PCP4: variants seen among roughly 807,000 people sequenced by gnomAD.
PCP4 encodes the protein Purkinje cell protein 4, also known as calmodulin regulator protein PCP4.
Under a neutral mutation model 10.0 loss-of-function variants are expected in PCP4, and 8 were observed. The observed-to-expected ratio is 0.80, with a 90% CI of 0.47 to 1.45. PCP4 has a LOEUF of 1.45. PCP4 is among the 40% of genes most tolerant of loss of function. The pLI is 0.00. For missense variants in PCP4, 54 were observed against 74.4 expected (o/e 0.73, Z 1.01); for synonymous variants, 21 against 23.0 (o/e 0.91, Z 0.24).
intron 2 of PCP4, among the ~76,000 whole-genome samples, chr21:39,920,701 A>G (rs1288596215): frequency 1.3e-5 from 2 of 152,238 alleles, no homozygotes; most frequent in African/African-American, 4.8e-5. Flanking sequence ...TGCAGGATCC[A>G]TGAATAGCTC....
At chr21:39,885,724 G>T (rs1394537499) in intron 1 of PCP4, among the ~76,000 whole-genome samples, 2 of 152,212 alleles carry the variant, frequency 1.3e-5, no homozygotes, top group East Asian at 1.9e-4. Flanking sequence ...GGGACAGGAC[G>T]CCAGGACAGG....
intron 2 of PCP4, among the ~76,000 whole-genome samples, chr21:39,901,717 T>G (rs8133640): frequency 0.14 from 21,080 of 152,222 alleles, 1,668 homozygotes; most frequent in Middle Eastern, 0.23. Context: ...GGTAGAAAAG[T>G]GAATTTGAGA....
At chr21:39,925,387 C>A (rs2087615655) in intron 2 of PCP4, among the ~76,000 whole-genome samples, 1 of 152,206 alleles carries the variant, frequency 6.6e-6, no homozygotes, top group Admixed American at 6.5e-5. Context: ...AGCTGCCTAG[C>A]ATATTAATTA....
At chr21:39,891,641 G>A (rs1296015638) in intron 1 of PCP4, among the ~76,000 whole-genome samples, 1 of 152,240 alleles carries the variant, frequency 6.6e-6, no homozygotes, top group Non-Finnish European at 1.5e-5. Context: ...GGCCCCGAAC[G>A]GCTGGGCTGG....
chr21:39,925,215 C>G (rs924368757), intron 2 of PCP4, among the ~76,000 whole-genome samples: 1 of 152,200 alleles, frequency 6.6e-6, no homozygotes, highest in African/African-American at 2.4e-5. Context: ...TTTCTCAGGA[C>G]AGCTCCCAGC....
At chr21:39,903,781 T>C (rs1467069938) in intron 2 of PCP4, among the ~76,000 whole-genome samples, 1 of 145,706 alleles carries the variant, frequency 6.9e-6, no homozygotes, top group Non-Finnish European at 1.5e-5. Flanking sequence ...GGCAGGAGAA[T>C]GGCGTGAACC....
intron 1 of PCP4, among the ~76,000 whole-genome samples, chr21:39,876,008 T>G (rs796829265): frequency 1.1e-4 from 17 of 152,072 alleles, no homozygotes; most frequent in African/African-American, 4.1e-4. Flanking sequence ...CTTCTATCGT[T>G]TCCTTGGTGT....
chr21:39,877,942 A>G (rs188811707), intron 1 of PCP4, among the ~76,000 whole-genome samples: 1 of 152,272 alleles, frequency 6.6e-6, no homozygotes, highest in Non-Finnish European at 1.5e-5. Context: ...AAACCATTGC[A>G]TATATAATCA....
At chr21:39,873,090 C>G (rs56339442) in intron 1 of PCP4, among the ~76,000 whole-genome samples, 69,210 of 151,930 alleles carry the variant, frequency 0.46, 17,333 homozygotes, top group African/African-American at 0.67. Flanking sequence ...TCCATTGAGA[C>G]TAGCTCACTT....
chr21:39,890,705 G>A (rs2087426077), intron 1 of PCP4, among the ~76,000 whole-genome samples: 1 of 152,028 alleles, frequency 6.6e-6, no homozygotes, highest in Admixed American at 6.6e-5. Flanking sequence ...ACTTTTTGCA[G>A]TACTTTTTAT....
chr21:39,912,460 G>A (rs1456035707), intron 2 of PCP4, among the ~76,000 whole-genome samples: 1 of 151,910 alleles, frequency 6.6e-6, no homozygotes, highest in Non-Finnish European at 1.5e-5. Flanking sequence ...TTTTTGGATG[G>A]GGATGCTCCG....
At chr21:39,887,479 A>G (rs922318951) in intron 1 of PCP4, among the ~76,000 whole-genome samples, 13 of 152,164 alleles carry the variant, frequency 8.5e-5, no homozygotes, top group Non-Finnish European at 1.9e-4. Flanking sequence ...GATGACAAAA[A>G]TATCACTGGC....
chr21:39,888,611 A>G (rs1444700040), intron 1 of PCP4, among the ~76,000 whole-genome samples: 1 of 152,202 alleles, frequency 6.6e-6, no homozygotes, highest in African/African-American at 2.4e-5. Flanking sequence ...GGTGTGAGTT[A>G]GGGGACTCCC....
chr21:39,914,120 T>G (rs1016790316), intron 2 of PCP4, among the ~76,000 whole-genome samples: 7 of 3,162 alleles, frequency 2.2e-3, no homozygotes, highest in East Asian at 7.7e-3. Flanking sequence ...TGAAAGCAGC[T>G]TTAGTCCCTT....
chr21:39,880,502 C>T (rs867378570), intron 1 of PCP4, among the ~76,000 whole-genome samples: 3 of 151,934 alleles, frequency 2.0e-5, no homozygotes, highest in East Asian at 1.9e-4. Flanking sequence ...TGTGTGTATA[C>T]GTGTATATGT....
At chr21:39,924,016 G>A (rs895134074) in intron 2 of PCP4, among the ~76,000 whole-genome samples, 9 of 152,220 alleles carry the variant, frequency 5.9e-5, no homozygotes, top group African/African-American at 2.2e-4. Flanking sequence ...CTGAGCTGGG[G>A]CCATCTTGCA....
intron 1 of PCP4, among the ~76,000 whole-genome samples, chr21:39,895,166 TCCAC>T (rs1463619602): frequency 2.0e-5 from 3 of 152,010 alleles, no homozygotes; most frequent in African/African-American, 2.4e-5. Flanking sequence ...CATCCATCCA[TCCAC>T]CCATTCATCC....
In PCP4 at chr21:39,927,530, T is replaced by A. The variant is rs536966414; in HGVS notation, c.62-1454T>A. On this transcript the variant is annotated intron_variant, in intron 2 of 2. Transcript: ENST00000328619. The stretch of plus-strand genomic sequence containing the variant: ...CAAAGTCCCTAAACAAGGTAGTGGA[T>A]GATGAACTCAGGCTGCCTGGTGACA... Among the ~76,000 whole-genome samples the A allele has an allele frequency of 5.3e-5, 8 of 151,472 alleles. No individual in the cohort carries two copies. In the South Asian group the frequency reaches 1.7e-3, roughly 32 times the overall value.
intron 2 of PCP4, 136 bp downstream of exon 2, chr21:39,898,663 G>C: frequency 1.5e-6 from 1 of 663,004 alleles, no homozygotes; most frequent in Non-Finnish European, 2.6e-6. Context: ...GAGGATTTTA[G>C]CAATTCACAG....
Sources: allele counts gnomAD v4.1 joint callset (sites outside exome capture counted in the v4.1 genomes callset), GRCh38; gene constraint gnomAD v4.1.1; transcripts MANE v1.5; gene names NCBI Gene and HGNC (gene_info 2026-07-23, HGNC 2026-07-21).